The following CAMKMT variants were observed in gnomAD, a reference collection of about 807,000 sequenced individuals.
CAMKMT encodes the protein calmodulin-lysine N-methyltransferase.
Under a neutral mutation model 48.0 loss-of-function variants are expected in CAMKMT, and 53 were observed. The observed-to-expected ratio is 1.10, with a 90% CI of 0.89 to 1.39. The LOEUF is 1.39. CAMKMT is among the 40% of genes most tolerant of loss of function. The probability of loss-of-function intolerance (pLI) is 0.00; values close to 1 mark genes in which losing one functional copy is unlikely to be tolerated. For missense variants in CAMKMT, 428 were observed against 402.7 expected, an observed-to-expected ratio of 1.06 and a Z score of -0.54; for synonymous variants, 165 against 152.3, an observed-to-expected ratio of 1.08 and a Z score of -0.61.
chr2:44,748,573 T>C (rs1680015600), intron 8 of CAMKMT, among the ~76,000 whole-genome samples: 1 of 152,130 alleles, frequency 6.6e-6, no homozygotes, highest in African/African-American at 2.4e-5. Context: ...TGCTTAATTA[T>C]TAAAACTCAA....
intron 3 of CAMKMT, among the ~76,000 whole-genome samples, chr2:44,504,946 T>A (rs897329310): frequency 6.6e-6 from 1 of 152,118 alleles, no homozygotes; most frequent in Non-Finnish European, 1.5e-5. Flanking sequence ...TCCAGCTGCT[T>A]CCACTCATGG....
chr2:44,614,936 CTT>C (rs3083440), intron 3 of CAMKMT, among the ~76,000 whole-genome samples: 19 of 48,986 alleles, frequency 3.9e-4, no homozygotes, highest in South Asian at 2.2e-3. Context: ...GGTCTCCTTG[CTT>C]TTTTTTTTTT....
In CAMKMT at chr2:44,362,031, T is replaced by C; in HGVS notation, c.24T>C (p.Ala8=). ...AGATGGAGTCGCGAGTCGCGGACGC[T>C]GGGACCGGCGAGACCGCGCGAGCAG... MESRVAD[A]GTGETARAAG... is the part of the protein sequence containing the mutation. The change falls in exon 1 of 11, where the codon GCT becomes GCC. Residue 8 remains alanine, a synonymous_variant. Transcript: ENST00000378494. 1 of 1,421,198 alleles carries C rather than the reference T, an allele frequency of 7.0e-7. No homozygotes were observed. The highest frequency in any genetic ancestry group is 3.0e-5 in the East Asian group (1 of 33,126). The allele number at this position is 1,421,198 out of a possible 1,614,324, so 88.0% of individuals were successfully genotyped here.
At chr2:44,549,102 T>G (rs1458612439) in intron 3 of CAMKMT, among the ~76,000 whole-genome samples, 3 of 152,206 alleles carry the variant, frequency 2.0e-5, no homozygotes, top group African/African-American at 7.2e-5. Flanking sequence ...ATCCCCTTTT[T>G]CTGTTTTCAA....
intron 3 of CAMKMT, among the ~76,000 whole-genome samples, chr2:44,685,401 T>C (rs1433360862): frequency 2.0e-5 from 3 of 152,130 alleles, no homozygotes; most frequent in African/African-American, 4.8e-5. Flanking sequence ...CAGCTTAGAA[T>C]ACACTGGGGC....
intron 3 of CAMKMT, among the ~76,000 whole-genome samples, chr2:44,682,385 T>G (rs1676072039): frequency 6.6e-6 from 1 of 152,218 alleles, no homozygotes; most frequent in African/African-American, 2.4e-5. Context: ...GGTAAAAATT[T>G]CATTGAAGAG....
At chr2:44,554,455 G>A (rs973717515) in intron 3 of CAMKMT, among the ~76,000 whole-genome samples, 3 of 152,028 alleles carry the variant, frequency 2.0e-5, no homozygotes, top group Non-Finnish European at 1.5e-5. Context: ...ATAAATATTC[G>A]CCGGGCACAG....
intron 3 of CAMKMT, among the ~76,000 whole-genome samples, chr2:44,466,010 C>T (rs1189080846): frequency 2.0e-5 from 3 of 152,144 alleles, no homozygotes; most frequent in African/African-American, 7.2e-5. Flanking sequence ...ATGCATCTAA[C>T]AGTAGAGCAC....
chr2:44,677,831 T>G (rs113999595), intron 3 of CAMKMT, among the ~76,000 whole-genome samples: 2,554 of 151,582 alleles, frequency 0.017, 31 homozygotes, highest in African/African-American at 0.036. Flanking sequence ...GCTCTTGGGG[T>G]GTGTGTGTGT....
At chr2:44,405,042 A>C (rs1682683748) in intron 3 of CAMKMT, among the ~76,000 whole-genome samples, 1 of 152,114 alleles carries the variant, frequency 6.6e-6, no homozygotes, top group Non-Finnish European at 1.5e-5. Flanking sequence ...GGGAGCATTG[A>C]AATTGGGCAA....
At position 44,438,033 on chromosome 2, in the gene CAMKMT, A is replaced by G. The variant is rs188257596; in HGVS notation, c.376+47728A>G. On this transcript the variant is annotated intron_variant, in intron 3 of 10. Transcript: ENST00000378494. ...TCTTATTCCATGTTCTAAGCTCTTT[A>G]TATGTATTAGTTTACATTATCTTGG... 2.6e-5 allele frequency among the ~76,000 whole-genome samples: 4 copies of G among 152,152 alleles called. No homozygotes were observed. The East Asian group carries it at 7.7e-4, about 29-fold the overall frequency.
chr2:44,400,928 G>GTATATATATATATA (rs1244824905), intron 3 of CAMKMT: 1 of 74,112 alleles, frequency 1.3e-5, no homozygotes, highest in Non-Finnish European at 2.8e-5. Context: ...ACTTATGTGT[G>GTATATATATATATA]TGTATATATA....
At chr2:44,668,295 A>G (rs530717333) in intron 3 of CAMKMT, among the ~76,000 whole-genome samples, 2 of 152,274 alleles carry the variant, frequency 1.3e-5, no homozygotes, top group South Asian at 4.2e-4. Flanking sequence ...GTAACAGTGA[A>G]TGAATGGACC....
At chr2:44,710,738 C>T (rs1453475584) in intron 6 of CAMKMT, among the ~76,000 whole-genome samples, 1 of 151,976 alleles carries the variant, frequency 6.6e-6, no homozygotes, top group Non-Finnish European at 1.5e-5. Context: ...AGGAGAGAGA[C>T]ATGGTATACT....
At chr2:44,646,180 C>CA (rs1424986190) in intron 3 of CAMKMT, among the ~76,000 whole-genome samples, 3 of 151,842 alleles carry the variant, frequency 2.0e-5, no homozygotes, top group Admixed American at 1.3e-4. Flanking sequence ...GGCATCAAGG[C>CA]AAAAAAACAA....
At chr2:44,484,659 C>T (rs949211728) in intron 3 of CAMKMT, among the ~76,000 whole-genome samples, 1 of 148,354 alleles carries the variant, frequency 6.7e-6, no homozygotes, top group Non-Finnish European at 1.5e-5. Flanking sequence ...ATCTTCATGA[C>T]CCTGAGTTAG....
In CAMKMT at chr2:44,438,019, G is replaced by C. The variant is rs1666388350; in HGVS notation, c.376+47714G>C. Among the ~76,000 whole-genome samples the C allele has an allele frequency of 7.2e-5, 11 of 151,890 alleles. No homozygotes were observed. In the South Asian group the frequency reaches 2.1e-3, roughly 29 times the overall value. ...AAATACAGACAGCTTCTTATTCCAT[G>C]TTCTAAGCTCTTTATATGTATTAGT... On this transcript the variant is annotated intron_variant, in intron 3 of 10. Transcript: ENST00000378494.
At chr2:44,726,314 T>C (rs1464127062) in intron 7 of CAMKMT, among the ~76,000 whole-genome samples, 2 of 152,232 alleles carry the variant, frequency 1.3e-5, no homozygotes, top group African/African-American at 4.8e-5. Context: ...CTTTTAAGAA[T>C]AGCCATTCTG....
chr2:44,631,834 C>T lies in CAMKMT; in HGVS notation c.377-72449C>T, dbSNP rs75241238. On this transcript the variant is annotated intron_variant, in intron 3 of 10. Transcript: ENST00000378494. ...TTTTTTATTATTTCAGTTTTCTCTA[C>T]TCTTGGTTTAGTGGCTATACCTCTT... 2,446 of 257,792 alleles carry T rather than the reference C, an allele frequency of 9.5e-3. 59 individuals are homozygous for T. Among genetic ancestry groups the T allele is most frequent in the African/African-American group, 0.051 (2,291 of 44,824 alleles). The allele number at this position is 257,792 out of a possible 1,614,324, so 16.0% of individuals were successfully genotyped here.
Sources: allele counts gnomAD v4.1 joint callset (sites outside exome capture counted in the v4.1 genomes callset), GRCh38; gene constraint gnomAD v4.1.1; transcripts MANE v1.5; gene names NCBI Gene and HGNC (gene_info 2026-07-23, HGNC 2026-07-21).